EML5: variants seen among roughly 807,000 people sequenced by gnomAD.
The protein encoded by EML5 is echinoderm microtubule-associated protein-like 5.
Under a neutral mutation model 250.0 loss-of-function variants are expected in EML5, and 120 were observed. The ratio of observed to expected loss-of-function variants is 0.48; its 90% CI spans 0.41 to 0.56. EML5 has a LOEUF of 0.56. Among genes scored for constraint, EML5 ranks in the 20% least tolerant of loss-of-function variants. The pLI, the probability that EML5 is intolerant of heterozygous loss-of-function variation, is 0.00. For synonymous variants in EML5, 771 were observed against 806.5 expected (o/e 0.96, Z 0.75); for missense variants, 2,006 against 2,437.6 (o/e 0.82, Z 3.73).
intron 7 of EML5, among the ~76,000 whole-genome samples, chr14:88,735,612 T>A (rs1315905162): frequency 6.6e-6 from 1 of 152,208 alleles, no homozygotes; most frequent in East Asian, 1.9e-4. Context: ...GCTGCCTCTA[T>A]GTAAGGCCTT....
Position 88,767,149 on chromosome 14 carries a change from C to G in EML5, c.198-12478G>C, listed in dbSNP as rs145086270. 3.9e-5 allele frequency among the ~76,000 whole-genome samples: 6 copies of G among 152,296 alleles called. No homozygotes were observed. The East Asian group carries it at 1.2e-3, about 29-fold the overall frequency. On this transcript the variant is annotated intron_variant, in intron 1 of 43. Transcript: ENST00000554922. ...TGATATTTTTATTTATTTCAGCAGA[C>G]AAGCAATCCAATTAGGTTCAAGGTA...
chr14:88,742,947 A>T (rs1232898800), intron 4 of EML5, among the ~76,000 whole-genome samples: 2 of 152,124 alleles, frequency 1.3e-5, no homozygotes, highest in African/African-American at 2.4e-5. Flanking sequence ...GTTACCAGGA[A>T]CTGTTACATC....
At chr14:88,650,985 T>C (rs983681734) in intron 27 of EML5, among the ~76,000 whole-genome samples, 2 of 152,114 alleles carry the variant, frequency 1.3e-5, no homozygotes, top group African/African-American at 2.4e-5. Flanking sequence ...ATGACAGTAA[T>C]ATATGTTACT....
At chr14:88,657,001 A>T (rs930422712) in intron 27 of EML5, among the ~76,000 whole-genome samples, 3 of 151,074 alleles carry the variant, frequency 2.0e-5, no homozygotes, top group African/African-American at 4.9e-5. Context: ...TTTTGTGGGT[A>T]TTTTTTTTTG....
intron 1 of EML5, among the ~76,000 whole-genome samples, chr14:88,790,669 T>C (rs1461446220): frequency 1.3e-5 from 2 of 152,184 alleles, no homozygotes; most frequent in East Asian, 1.9e-4. Flanking sequence ...CTAAATTATC[T>C]GGAGCAGGGC....
rs756585798 is a variant in EML5, at chr14:88,712,358, C to A, written c.1570G>T (p.Val524Leu). The A allele has an allele frequency of 3.1e-6, 5 of 1,612,926 alleles. No homozygotes were observed. The Admixed American group carries it at 5.0e-5, about 16-fold the overall frequency. Residue 524 changes from valine (V) to leucine (L), a missense_variant, in exon 10 of 44, where the codon GTA (valine) becomes TTA (leucine). By Grantham distance (32) the Val-to-Leu change is conservative (BLOSUM62 1). Around this residue, in one of 7 missense-constraint regions of EML5, gnomAD observed 1,375 missense variants for 1,590.3 expected, o/e 0.86. Transcript: ENST00000554922. ...KYSDINDINS[V>L]DGNYIGQVLV... Reference sequence around the variant, plus strand: ...ACTTGGCCAATATAATTTCCATCTACTGAATTTATATCGTTGATATCTGAA... The same window carrying A: ...ACTTGGCCAATATAATTTCCATCTAATGAATTTATATCGTTGATATCTGAA...
At chr14:88,712,193 C>T (rs2093419651) in intron 10 of EML5, 78 bp downstream of exon 10, 2 of 1,001,270 alleles carry the variant, frequency 2.0e-6, no homozygotes, top group African/African-American at 3.2e-5. Context: ...AATCCTTTAT[C>T]TCAAGACTAA....
Position 88,746,271 on chromosome 14 carries a change from C to T in EML5, c.370G>A (p.Val124Ile), listed in dbSNP as rs1247100835. 2.5e-6 allele frequency: 4 copies of T among 1,613,106 alleles called. No individual in the cohort carries two copies. The African/African-American group carries it at 4.0e-5, about 16-fold the overall frequency. Reference protein sequence around the residue: ...FDLDGQRLVSVGLDSKNAVCV... With the variant: ...FDLDGQRLVSIGLDSKNAVCV... ...ACTGCATTCTTTGAATCAAGTCCAA[C>T]TGAAACCAAGCGCTGATTTATGTCC... is the stretch of plus-strand genomic sequence containing the variant. The change falls in exon 3 of 44, where the codon GTT (valine) becomes ATT (isoleucine). Residue 124 changes from valine to isoleucine, a missense_variant. Transcript: ENST00000554922.
At chr14:88,626,782 A>G in intron 35 of EML5, 56 bp downstream of exon 35, 4 of 1,562,042 alleles carry the variant, frequency 2.6e-6, no homozygotes, top group Non-Finnish European at 2.6e-6. Flanking sequence ...TGATGATCTA[A>G]GGCAAGAGAA....
chr14:88,740,330 C>A, intron 5 of EML5, 57 bp downstream of exon 5: 1 of 1,448,872 alleles, frequency 6.9e-7, no homozygotes, highest in Non-Finnish European at 9.3e-7. Flanking sequence ...GTCTATCATT[C>A]TAAGACAAGG....
chr14:88,694,506 A>G (rs1038490907), intron 16 of EML5, 99 bp from the exon 17 acceptor site: 27 of 799,130 alleles, frequency 3.4e-5, no homozygotes, highest in Non-Finnish European at 5.3e-5. Context: ...CTATTTACGA[A>G]TATTTTACTC....
rs2086928677 is a variant in EML5 at position 88,612,468 on chromosome 14, AAAT to A, written c.*3347_*3349del. Reference sequence around the variant, plus strand: ...ATTTACTAATAACATAATGCCTTCTAAATAATTTTTTTGGGAAACTACATTATC... The same window carrying A: ...ATTTACTAATAACATAATGCCTTCTAAATTTTTTTGGGAAACTACATTATC... On this transcript the variant is annotated 3_prime_UTR_variant, in exon 44 of 44. Transcript: ENST00000554922. The A allele has an allele frequency of 6.6e-6, 1 of 152,396 alleles. No individual in the cohort carries two copies. Among genetic ancestry groups the A allele is most frequent in the Middle Eastern group, 3.4e-3 (1 of 294 alleles). 9.4% of individuals were successfully genotyped at this position (152,396 alleles called of 1,614,324 possible).
intron 1 of EML5, among the ~76,000 whole-genome samples, chr14:88,772,443 T>C (rs1299512421): frequency 1.3e-5 from 2 of 152,208 alleles, no homozygotes; most frequent in African/African-American, 2.4e-5. Flanking sequence ...CCATCTAAGA[T>C]GGCACTTTCA....
chr14:88,676,460 C>T (rs1189343276), intron 21 of EML5, among the ~76,000 whole-genome samples: 1 of 152,090 alleles, frequency 6.6e-6, no homozygotes, highest in Non-Finnish European at 1.5e-5. Context: ...AAAGACCTGC[C>T]CCCATGATTC....
Position 88,736,459 on chromosome 14 carries a change from T to C in EML5, c.954A>G (p.Leu318=). The stretch of plus-strand genomic sequence containing the variant: ...CACCTTCACAATGCCCTTGCATAAT[T>C]AGAAAAGGTTTATTTCTTTCTTGCA... ...IVVQERNKPF[L]IMQGHCEGEL... is the part of the protein sequence containing the mutation. The change falls in exon 7 of 44, where the codon CTA becomes CTG. Residue 318 remains leucine, a synonymous_variant. Coordinates refer to ENST00000554922, the MANE Select transcript of EML5 (RefSeq NM_183387.3). The C allele has an allele frequency of 1.9e-6, 3 of 1,614,062 alleles. No homozygotes were observed. The highest frequency in any genetic ancestry group is 2.2e-5 in the South Asian group (2 of 91,090).
At chr14:88,647,019 G>A in intron 28 of EML5, 64 bp from the exon 29 acceptor site, 1 of 1,414,332 alleles carries the variant, frequency 7.1e-7, no homozygotes, top group East Asian at 2.3e-5. Flanking sequence ...AAACACTAGT[G>A]AAATACCTCC....
chr14:88,715,154 G>C lies in EML5; in HGVS notation c.1229C>G (p.Ala410Gly). Reference protein sequence around the residue: ...EVVHIKDRKEAIHELKYSPDG... With the variant: ...EVVHIKDRKEGIHELKYSPDG... ...TGGTGAATATTTTAACTCATGAATT[G>C]CCTCCTTCCTATCTTTAATATGTAC... is the stretch of plus-strand genomic sequence containing the variant. The change falls in exon 9 of 44, where the codon GCA becomes GGA. Residue 410 changes from alanine to glycine, a missense_variant. Around this residue, in one of 7 missense-constraint regions of EML5, gnomAD observed 1,375 missense variants for 1,590.3 expected, o/e 0.86. Coordinates refer to ENST00000554922, the MANE Select transcript of EML5 (RefSeq NM_183387.3). The C allele has an allele frequency of 1.9e-6, 3 of 1,607,464 alleles. No homozygotes were observed. The highest frequency in any genetic ancestry group is 2.5e-6 in the Non-Finnish European group (3 of 1,176,546).
At position 88,714,934 on chromosome 14, in the gene EML5, G is replaced by C; in HGVS notation, c.1444+5C>G. 6.2e-7 allele frequency: 1 copy of C among 1,609,316 alleles called. No homozygotes were observed. The highest frequency in any genetic ancestry group is 8.5e-7 in the Non-Finnish European group (1 of 1,177,708). On this transcript the variant is annotated splice_donor_5th_base_variant and intron_variant, in intron 9 of 43. Coordinates refer to ENST00000554922, the MANE Select transcript of EML5 (RefSeq NM_183387.3). ...ACAAATCTATAATTTGCTAGAAATT[G>C]TTACCTGGCATTCTATAAAAAAGTC...
At chr14:88,700,619 C>A (rs2093187739) in intron 14 of EML5, among the ~76,000 whole-genome samples, 1 of 152,138 alleles carries the variant, frequency 6.6e-6, no homozygotes, top group Non-Finnish European at 1.5e-5. Context: ...TACTCCACTA[C>A]AACAAGCACC....
Sources: allele counts gnomAD v4.1 joint callset (sites outside exome capture counted in the v4.1 genomes callset), GRCh38; gene constraint gnomAD v4.1.1; regional missense constraint gnomAD v4.1.1; transcripts MANE v1.5; gene names NCBI Gene and HGNC (gene_info 2026-07-23, HGNC 2026-07-21).